The following ZEB2 variants were observed in gnomAD, a reference collection of about 807,000 sequenced individuals.
The protein encoded by ZEB2 is zinc finger E-box binding homeobox 2, also known as zinc finger E-box-binding homeobox 2.
ZEB2 carries 6 observed loss-of-function variants against 99.9 expected under a neutral mutation model. The observed-to-expected ratio is 0.06, with a 90% CI of 0.03 to 0.12. The LOEUF is 0.12. Among genes scored for constraint, ZEB2 ranks in the 10% least tolerant of loss-of-function variants. The pLI is 1.00. For missense variants in ZEB2, 969 were observed against 1,502.8 expected, an observed-to-expected ratio of 0.64 and a Z score of 5.87; for synonymous variants, 517 against 542.5, an observed-to-expected ratio of 0.95 and a Z score of 0.65.
intron 2 of ZEB2, among the ~76,000 whole-genome samples, chr2:144,469,340 T>C (rs1704321429): frequency 6.6e-6 from 1 of 152,136 alleles, no homozygotes; most frequent in African/African-American, 2.4e-5. Flanking sequence ...CACGGCCAAT[T>C]CACCAACTAA....
intron 2 of ZEB2, among the ~76,000 whole-genome samples, chr2:144,506,942 A>T (rs542514300): frequency 6.4e-4 from 97 of 152,298 alleles, no homozygotes; most frequent in African/African-American, 2.1e-3. Flanking sequence ...AATACATTTT[A>T]GGAAATCATT....
intron 2 of ZEB2, among the ~76,000 whole-genome samples, chr2:144,460,349 T>C (rs1704175253): frequency 6.6e-6 from 1 of 152,176 alleles, no homozygotes; most frequent in Admixed American, 6.5e-5. Context: ...TGGTTGTTCT[T>C]TCATTTTCTT....
At chr2:144,440,610 A>AT (rs1205585836) in intron 2 of ZEB2, among the ~76,000 whole-genome samples, 1 of 149,504 alleles carries the variant, frequency 6.7e-6, no homozygotes, top group Admixed American at 6.6e-5. Flanking sequence ...TATTCATCCC[A>AT]TTTTTTGGCC....
intron 8 of ZEB2, among the ~76,000 whole-genome samples, chr2:144,396,899 G>C (rs1703236980): frequency 6.6e-6 from 1 of 152,026 alleles, no homozygotes. Flanking sequence ...TTTATACCAA[G>C]AAATACCCAT....
At chr2:144,433,193 C>T (rs1488366028) in intron 2 of ZEB2, among the ~76,000 whole-genome samples, 2 of 152,114 alleles carry the variant, frequency 1.3e-5, no homozygotes, top group African/African-American at 4.8e-5. Flanking sequence ...AAAATAGACA[C>T]TAATTTTACA....
At chr2:144,440,746 C>G (rs955563917) in intron 2 of ZEB2, among the ~76,000 whole-genome samples, 3 of 151,546 alleles carry the variant, frequency 2.0e-5, no homozygotes, top group Non-Finnish European at 4.4e-5. Context: ...AATTTAGTGT[C>G]AAGTCTCATT....
chr2:144,495,650 G>T (rs1269745098), intron 2 of ZEB2: 1 of 152,242 alleles, frequency 6.6e-6, no homozygotes, highest in Non-Finnish European at 1.5e-5. Flanking sequence ...CTCTGTGTGA[G>T]CAAAGTACTG....
intron 2 of ZEB2, among the ~76,000 whole-genome samples, chr2:144,458,450 G>A (rs1704149887): frequency 1.3e-5 from 2 of 152,134 alleles, no homozygotes; most frequent in East Asian, 3.9e-4. Context: ...CCAGCTGGAG[G>A]AGTCTTCCTG....
intron 4 of ZEB2, among the ~76,000 whole-genome samples, chr2:144,414,738 C>T (rs912679896): frequency 6.6e-6 from 1 of 152,186 alleles, no homozygotes; most frequent in South Asian, 2.1e-4. Context: ...CTTTCTACTG[C>T]ACCATAATGA....
At chr2:144,478,139 C>T (rs2149912555) in intron 2 of ZEB2, among the ~76,000 whole-genome samples, 1 of 152,182 alleles carries the variant, frequency 6.6e-6, no homozygotes, top group South Asian at 2.1e-4. Context: ...AGTGTAAAGC[C>T]ACTTTAAAAG....
chr2:144,506,983 T>G (rs1252371655), intron 2 of ZEB2, among the ~76,000 whole-genome samples: 4 of 152,202 alleles, frequency 2.6e-5, no homozygotes, highest in African/African-American at 9.6e-5. Flanking sequence ...AGGAATGTGG[T>G]CATCTACCTC....
intron 2 of ZEB2, among the ~76,000 whole-genome samples, chr2:144,468,201 T>C (rs1349148374): frequency 1.3e-5 from 2 of 152,156 alleles, no homozygotes; most frequent in South Asian, 4.2e-4. Flanking sequence ...AATGTATAGC[T>C]GCAGAAGAAG....
chr2:144,389,073 C>A lies in ZEB2; in HGVS notation c.*378G>T. 2.1e-6 allele frequency: 1 copy of A among 479,110 alleles called. No individual in the cohort carries two copies. The highest frequency in any genetic ancestry group is 3.7e-6 in the Non-Finnish European group (1 of 272,556). 29.7% of individuals were successfully genotyped at this position (479,110 alleles called of 1,614,324 possible). ...ATAAAAATACTGATGTATGGTAGTG[C>A]GGGCACCTTTTTAAAATGTATTAAT... On this transcript the variant is annotated 3_prime_UTR_variant, in exon 10 of 10. Coordinates refer to ENST00000627532, the MANE Select transcript of ZEB2 (RefSeq NM_014795.4). This position sits in a 1 kb window ranked among gnomAD's most constrained non-coding sequence, Gnocchi z 6.8.
chr2:144,488,670 A>AGTGTGTGTGT (rs57221448), intron 2 of ZEB2, among the ~76,000 whole-genome samples: 2,839 of 148,118 alleles, frequency 0.019, 87 homozygotes, highest in African/African-American at 0.06. Flanking sequence ...CTCGTGTGTG[A>AGTGTGTGTGT]GTGTGTGTGT....
At chr2:144,493,839 A>C (rs180848653) in intron 2 of ZEB2, among the ~76,000 whole-genome samples, 1 of 152,284 alleles carries the variant, frequency 6.6e-6, no homozygotes, top group Admixed American at 6.5e-5. Flanking sequence ...TAATAATTTA[A>C]AATAGCTTGG....
rs569641010 is a variant in ZEB2, at chr2:144,496,402, C to G, written c.73+20876G>C. On this transcript the variant is annotated intron_variant, in intron 2 of 9. Transcript: ENST00000627532. The stretch of plus-strand genomic sequence containing the variant: ...CTAGGATTAGTTTCTTCAGGATCAA[C>G]AACCATTTTTTATTTTCTTTTTCAA... The G allele has an allele frequency of 2.6e-5, 4 of 152,274 alleles. No homozygotes were observed. The East Asian group carries it at 7.7e-4, about 29-fold the overall frequency. 9.4% of individuals were successfully genotyped at this position (152,274 alleles called of 1,614,324 possible).
chr2:144,502,088 G>A (rs1348164063), intron 2 of ZEB2, among the ~76,000 whole-genome samples: 1 of 152,180 alleles, frequency 6.6e-6, no homozygotes, highest in Non-Finnish European at 1.5e-5. Context: ...CTTAGGGCAG[G>A]TAGAAATGTG....
rs965319710 is a variant in ZEB2, at chr2:144,384,117, CTCA to C, written c.*5331_*5333del. 3 of 152,306 alleles carry C rather than the reference CTCA, an allele frequency of 2.0e-5. No homozygotes were observed. Among genetic ancestry groups the C allele is most frequent in the Non-Finnish European group, 2.9e-5 (2 of 68,024 alleles). The allele number at this position is 152,306 out of a possible 1,614,324, so 9.4% of individuals were successfully genotyped here. A position where few individuals can be genotyped will look rare whatever the true frequency, so the allele number is the denominator to read the frequency against. Reference sequence around the variant, plus strand: ...CACTTTAATCTTCATGTATTTTTTACTCATCATTTTCTTTGACTAAAATTATTA... The same window carrying C: ...CACTTTAATCTTCATGTATTTTTTACTCATTTTCTTTGACTAAAATTATTA... On this transcript the variant is annotated 3_prime_UTR_variant, in exon 10 of 10. Transcript: ENST00000627532.
intron 2 of ZEB2, chr2:144,511,774 T>C: frequency 1.6e-6 from 2 of 1,285,944 alleles, no homozygotes; most frequent in Middle Eastern, 3.3e-4. Context: ...TTACATTTCA[T>C]CTTCTGATTG....
Sources: gnomAD v4.1 joint callset for allele counts (sites outside exome capture counted in the v4.1 genomes callset) on GRCh38, gnomAD v4.1.1 for gene constraint, Gnocchi (gnomAD v3.1) non-coding constraint, MANE v1.5 for transcripts, NCBI Gene and HGNC (gene_info 2026-07-23, HGNC 2026-07-21) for gene names.